The following DDHD2 variants were observed in gnomAD, a reference collection of about 807,000 sequenced individuals.
The protein encoded by DDHD2 is DDHD domain containing 2.
Under a neutral mutation model 91.2 loss-of-function variants are expected in DDHD2, and 62 were observed. The ratio of observed to expected loss-of-function variants is 0.68; its 90% confidence interval spans 0.55 to 0.84. The LOEUF (loss-of-function observed/expected upper bound fraction) is 0.84, where lower values mean the gene tolerates loss of function less well. Ranked by LOEUF, DDHD2 falls within the 40% of genes least tolerant of loss-of-function variation. The pLI is 0.00. For synonymous variants in DDHD2, 271 were observed against 293.9 expected (o/e 0.92, Z 0.80); for missense variants, 740 against 846.9 (o/e 0.87, Z 1.57).
intron 1 of DDHD2, 117 bp from the exon 2 acceptor site, chr8:38,232,870 T>TTTG (rs141540044): frequency 1.6e-4 from 105 of 658,242 alleles, no homozygotes; most frequent in Admixed American, 8.7e-4. Context: ...TTATGTAGAT[T>TTTG]TTGTTGTTGT....
downstream of DDHD2, chr8:38,264,072 A>G (rs1468747603): frequency 2.0e-6 from 2 of 990,298 alleles, no homozygotes; most frequent in African/African-American, 1.7e-5. Flanking sequence ...GGAAGGGGAA[A>G]AAAAGGCTAG....
intron 1 of DDHD2, chr8:38,268,635 G>C (rs1283737134): frequency 1.4e-6 from 2 of 1,437,868 alleles, no homozygotes; most frequent in East Asian, 2.5e-5. Flanking sequence ...CGTGCGGCTC[G>C]GGCCCCGGTA....
At chr8:38,257,906 C>G (rs1390296713) in intron 16 of DDHD2, among the ~76,000 whole-genome samples, 1 of 151,696 alleles carries the variant, frequency 6.6e-6, no homozygotes, top group African/African-American at 2.4e-5. Flanking sequence ...TCAAGTGATC[C>G]CACCTCAGCC....
downstream of DDHD2, chr8:38,263,457 A>T: frequency 1.0e-6 from 1 of 985,358 alleles, no homozygotes. Flanking sequence ...TTATGGTCAA[A>T]TGAGGTAGAA....
At chr8:38,252,659 A>G in intron 13 of DDHD2, 63 bp from the exon 14 acceptor site, 2 of 1,133,446 alleles carry the variant, frequency 1.8e-6, no homozygotes, top group Non-Finnish European at 2.5e-6. Flanking sequence ...AAAAAAAAAA[A>G]GTTATATAGT....
downstream of DDHD2, chr8:38,266,411 T>C: frequency 8.5e-7 from 1 of 1,176,732 alleles, no homozygotes; most frequent in South Asian, 1.5e-5. Context: ...TTTTTATTTA[T>C]TTATTTTTTG....
Position 38,252,781 on chromosome 8 carries a change from A to G in DDHD2, c.1677A>G (p.Pro559=), listed in dbSNP as rs199753572. Residue 559 remains proline, a synonymous_variant, in exon 14 of 18, where the codon CCA becomes CCG. Transcript: ENST00000397166. ...TGGTCCCAGGAGTGGAATTTGAGCC[A>G]ATGCTGATCCCACATCATAAAGGCA... ...PMVVPGVEFE[P]MLIPHHKGRK... is the part of the protein sequence containing the mutation. 7.4e-6 allele frequency: 12 copies of G among 1,614,120 alleles called. No individual in the cohort carries two copies. The highest frequency in any genetic ancestry group is 1.0e-5 in the Non-Finnish European group (12 of 1,180,000).
At chr8:38,238,369 G>A in intron 5 of DDHD2, 160 bp downstream of exon 5, 1 of 1,417,604 alleles carries the variant, frequency 7.1e-7, no homozygotes, top group Non-Finnish European at 9.2e-7. Flanking sequence ...CGTCTACTAA[G>A]AATCTTAATA....
rs755328265 is a variant in DDHD2, at chr8:38,251,896, A to G, written c.1345-16A>G. 5 of 1,595,910 alleles carry G rather than the reference A, an allele frequency of 3.1e-6. No individual in the cohort carries two copies. Among genetic ancestry groups the G allele is most frequent in the East Asian group, 4.5e-5 (2 of 44,750 alleles). On this transcript the variant is annotated splice_polypyrimidine_tract_variant and intron_variant, in intron 11 of 17. Transcript: ENST00000397166. ...TCATGCCCAGCTTCTCCACATAACTATTTTTTATTCTTTAGGGTATTAAGA... is the reference window on the plus strand; with the variant it reads ...TCATGCCCAGCTTCTCCACATAACTGTTTTTTATTCTTTAGGGTATTAAGA...
chr8:38,270,159 C>T (rs978413778), intron 1 of DDHD2: 1 of 152,154 alleles, frequency 6.6e-6, no homozygotes, highest in African/African-American at 2.4e-5. Context: ...AGCTTCTAGC[C>T]AAGTCACAGA....
Position 38,236,600 on chromosome 8 carries a change from C to T in DDHD2, c.412-938C>T, listed in dbSNP as rs137965800. On this transcript the variant is annotated intron_variant, in intron 3 of 17. Coordinates refer to ENST00000397166, the MANE Select transcript of DDHD2 (RefSeq NM_015214.3). ...GCGCGATCTCAGCTCACCGCAACCT[C>T]TGCCTCCTGGGTTCAAGCGATTCTC... Among the ~76,000 whole-genome samples, 1,175 of 152,148 alleles carry T rather than the reference C, an allele frequency of 7.7e-3. 17 individuals carry two copies. The highest frequency in any genetic ancestry group is 0.027 in the African/African-American group (1,118 of 41,496).
intron 1 of DDHD2, 175 bp downstream of exon 1, chr8:38,232,034 G>A (rs1275034673): frequency 3.3e-5 from 5 of 152,672 alleles, no homozygotes; most frequent in Non-Finnish European, 5.8e-5. Context: ...TGGCTGCCCT[G>A]CTGCTGTCGC....
At chr8:38,267,111 G>T, downstream of DDHD2, 1 of 1,499,788 alleles carries the variant, frequency 6.7e-7, no homozygotes. Context: ...AATAGTCAAG[G>T]CTCAGACTTG....
intron 10 of DDHD2, among the ~76,000 whole-genome samples, chr8:38,249,173 C>T (rs1805905007): frequency 6.6e-6 from 1 of 151,600 alleles, no homozygotes; most frequent in East Asian, 2.0e-4. Flanking sequence ...AGTGCAGTGG[C>T]GCGATCTCGG....
At position 38,245,642 on chromosome 8, in the gene DDHD2, A is replaced by T. The variant is rs1359374413; in HGVS notation, c.849-100A>T. 3.7e-6 allele frequency: 4 copies of T among 1,087,250 alleles called. No homozygotes were observed. In the East Asian group the frequency reaches 7.1e-5, roughly 19 times the overall value. 67.4% of individuals were successfully genotyped at this position (1,087,250 alleles called of 1,614,324 possible). On this transcript the variant is annotated intron_variant, in intron 7 of 17. Transcript: ENST00000397166. ...TTTTTGTTTTTTCCTATAAATCGACAATTGTTTGTTATAAAATGTTTAAGC... is the reference window on the plus strand; with the variant it reads ...TTTTTGTTTTTTCCTATAAATCGACTATTGTTTGTTATAAAATGTTTAAGC...
downstream of DDHD2, chr8:38,263,182 G>A (rs575583218): frequency 3.0e-4 from 47 of 155,912 alleles, no homozygotes; most frequent in Non-Finnish European, 2.9e-4. Flanking sequence ...GAAAATATAG[G>A]AACATACACA....
At position 38,251,859 on chromosome 8, in the gene DDHD2, A is replaced by G. The variant is rs576984936; in HGVS notation, c.1345-53A>G. ...CAGGGTCCTGAGTAGCTGGGACTACAGGTGCATGCCGTCATGCCCAGCTTC... is the reference window on the plus strand; with the variant it reads ...CAGGGTCCTGAGTAGCTGGGACTACGGGTGCATGCCGTCATGCCCAGCTTC... On this transcript the variant is annotated intron_variant, in intron 11 of 17. Coordinates refer to ENST00000397166, the MANE Select transcript of DDHD2 (RefSeq NM_015214.3). The G allele has an allele frequency of 1.3e-5, 17 of 1,315,834 alleles. 2 individuals are homozygous for G. The South Asian group carries it at 1.9e-4, about 15-fold the overall frequency. 81.5% of individuals were successfully genotyped at this position (1,315,834 alleles called of 1,614,324 possible). A position where few individuals can be genotyped will look rare whatever the true frequency, so the allele number is the denominator to read the frequency against.
Position 38,233,241 on chromosome 8 carries a change from G to C in DDHD2, c.220+27G>C, listed in dbSNP as rs751371809. ...TAGGTGAAAATTATGACTTGGAATA[G>C]ACAAAGACTCTCCCCTCTTCAAACT... is the stretch of plus-strand genomic sequence containing the variant. On this transcript the variant is annotated intron_variant, in intron 2 of 17. Coordinates refer to ENST00000397166, the MANE Select transcript of DDHD2 (RefSeq NM_015214.3). 5.2e-6 allele frequency: 8 copies of C among 1,550,380 alleles called. No individual in the cohort carries two copies. The Admixed American group carries it at 1.4e-4, about 26-fold the overall frequency.
rs546314410 is a variant in DDHD2, at chr8:38,252,581, A to G, written c.1618-141A>G. ...TGCTTGAGCCTAGGAGTTGAAGGCT[A>G]CAGTGAGCCATGATTGCACCACTGC... On this transcript the variant is annotated intron_variant, in intron 13 of 17. Transcript: ENST00000397166. 867 of 688,788 alleles carry G rather than the reference A, an allele frequency of 1.3e-3. 19 individuals carry two copies. The South Asian group carries it at 0.016, about 13-fold the overall frequency. 42.7% of individuals were successfully genotyped at this position (688,788 alleles called of 1,614,324 possible). A position where few individuals can be genotyped will look rare whatever the true frequency, so the allele number is the denominator to read the frequency against.
Sources: allele counts gnomAD v4.1 joint callset (sites outside exome capture counted in the v4.1 genomes callset), GRCh38; gene constraint gnomAD v4.1.1; transcripts MANE v1.5; gene names NCBI Gene and HGNC (gene_info 2026-07-23, HGNC 2026-07-21).